BMPR1B: variants seen among roughly 807,000 people sequenced by gnomAD.
BMPR1B encodes bone morphogenetic protein receptor type 1B.
A neutral mutation model predicts 59.1 loss-of-function variants in BMPR1B; 12 were observed. The ratio of observed to expected loss-of-function variants is 0.20; its 90% CI spans 0.13 to 0.33. BMPR1B has a LOEUF of 0.33. BMPR1B is among the 10% of genes least tolerant of loss of function. The pLI is 1.00. For synonymous variants in BMPR1B, 237 were observed against 207.3 expected, an observed-to-expected ratio of 1.14 and a Z score of -1.23; for missense variants, 550 against 610.9, an observed-to-expected ratio of 0.90 and a Z score of 1.05.
At chr4:94,886,845 G>T (rs1459650729) in intron 2 of BMPR1B, among the ~76,000 whole-genome samples, 4 of 152,254 alleles carry the variant, frequency 2.6e-5, no homozygotes, top group Middle Eastern at 3.4e-3. Context: ...ACACTGGCAA[G>T]GGAACTTAAG....
At chr4:95,038,678 A>G (rs1725436682) in intron 3 of BMPR1B, among the ~76,000 whole-genome samples, 1 of 152,228 alleles carries the variant, frequency 6.6e-6, no homozygotes, top group Non-Finnish European at 1.5e-5. Flanking sequence ...ACGTTTAAAG[A>G]AAATGTTTCT....
At chr4:94,834,931 T>A (rs1724742584) in intron 1 of BMPR1B, among the ~76,000 whole-genome samples, 1 of 149,938 alleles carries the variant, frequency 6.7e-6, no homozygotes, top group East Asian at 1.9e-4. Context: ...ATCTGCAGTT[T>A]GTGTTTCTTT....
chr4:94,996,204 T>A (rs930518615), intron 3 of BMPR1B, 70 bp downstream of exon 3: 1 of 152,226 alleles, frequency 6.6e-6, no homozygotes, highest in Non-Finnish European at 1.5e-5. Flanking sequence ...ACTGCATCAG[T>A]AAGCAAAGGG....
In BMPR1B at chr4:94,805,027, CTTACT is replaced by C. The variant is rs1157160043; in HGVS notation, c.-183+46963_-183+46967del. Reference sequence around the variant, plus strand: ...TGGAGTAATGTAATAACTAATAGAACTTACTTTAGAGTTCTTCTATGATCTATAAA... The same window carrying C: ...TGGAGTAATGTAATAACTAATAGAACTTAGAGTTCTTCTATGATCTATAAA... On this transcript the variant is annotated intron_variant, in intron 1 of 12. Coordinates refer to ENST00000515059, the MANE Select transcript of BMPR1B (RefSeq NM_001203.3). 2.6e-5 allele frequency among the ~76,000 whole-genome samples: 4 copies of C among 152,248 alleles called. No individual in the cohort carries two copies. In the East Asian group the frequency reaches 5.8e-4, roughly 22 times the overall value.
At chr4:95,089,511 AC>A (rs551359708) in intron 3 of BMPR1B, among the ~76,000 whole-genome samples, 3 of 152,272 alleles carry the variant, frequency 2.0e-5, no homozygotes, top group African/African-American at 7.2e-5. Context: ...GCTTTTAAAG[AC>A]TGGGACCACT....
chr4:94,940,358 G>A (rs2149043350), intron 2 of BMPR1B, among the ~76,000 whole-genome samples: 1 of 152,220 alleles, frequency 6.6e-6, no homozygotes, highest in East Asian at 1.9e-4. Context: ...GTAAGTGTTA[G>A]TATATTTTAT....
intron 2 of BMPR1B, among the ~76,000 whole-genome samples, chr4:94,933,895 A>G (rs1476642506): frequency 2.0e-5 from 3 of 152,122 alleles, no homozygotes. Context: ...GAAAACGAAA[A>G]GTTTAAGAGA....
chr4:95,092,372 C>T (rs1730058508), intron 3 of BMPR1B, among the ~76,000 whole-genome samples: 1 of 152,026 alleles, frequency 6.6e-6, no homozygotes, highest in Non-Finnish European at 1.5e-5. Context: ...GGTGGCACTG[C>T]AGATTTTAAA....
rs1209769248 is a variant in BMPR1B at position 95,109,898 on chromosome 4, C to T, written c.144-4822C>T. Among the ~76,000 whole-genome samples the T allele has an allele frequency of 4.9e-5, 6 of 121,858 alleles. No individual in the cohort carries two copies. The Admixed American group carries it at 5.3e-4, about 11-fold the overall frequency. 79.9% of individuals were successfully genotyped at this position (121,858 alleles called of 152,430 possible). A position where few individuals can be genotyped will look rare whatever the true frequency, so the allele number is the denominator to read the frequency against. On this transcript the variant is annotated intron_variant, in intron 4 of 12. Coordinates refer to ENST00000515059, the MANE Select transcript of BMPR1B (RefSeq NM_001203.3). ...ACAACAGTCCCCGGTGTGTGATGTT[C>T]CCCTTCCTGTGTCCATGTGTTCTCA...
chr4:95,111,627 A>C (rs1240620357), intron 4 of BMPR1B, among the ~76,000 whole-genome samples: 1 of 152,054 alleles, frequency 6.6e-6, no homozygotes, highest in Non-Finnish European at 1.5e-5. Context: ...ATCTACCTAA[A>C]AAGAGTATCG....
intron 10 of BMPR1B, among the ~76,000 whole-genome samples, chr4:95,136,745 G>T (rs372403794): frequency 1.3e-5 from 2 of 151,962 alleles, no homozygotes; most frequent in East Asian, 1.9e-4. Flanking sequence ...CTGTGGGATC[G>T]GTGGTGATAT....
intron 3 of BMPR1B, among the ~76,000 whole-genome samples, chr4:95,026,130 C>CTTTCTTTCT (rs1560603016): frequency 1.4e-5 from 2 of 146,436 alleles, no homozygotes; most frequent in Non-Finnish European, 3.0e-5. Context: ...TTCTTTCTTT[C>CTTTCTTTCT]TTTCTTTCTT....
At chr4:94,785,749 C>G (rs1406324143) in intron 1 of BMPR1B, among the ~76,000 whole-genome samples, 1 of 152,086 alleles carries the variant, frequency 6.6e-6, no homozygotes, top group Non-Finnish European at 1.5e-5. Context: ...CAGTATAAGA[C>G]TGAAGGTACA....
At chr4:95,018,607 T>A (rs1205532243) in intron 3 of BMPR1B, among the ~76,000 whole-genome samples, 3 of 152,174 alleles carry the variant, frequency 2.0e-5, no homozygotes, top group Non-Finnish European at 4.4e-5. Flanking sequence ...TGCATCCCTG[T>A]GAAATACTGA....
chr4:95,123,389 A>G (rs1370480976), intron 6 of BMPR1B, among the ~76,000 whole-genome samples: 1 of 152,124 alleles, frequency 6.6e-6, no homozygotes, highest in East Asian at 1.9e-4. Context: ...CATGAATTAT[A>G]TAGATGCTTT....
At chr4:94,941,566 CA>C (rs1244856955) in intron 2 of BMPR1B, among the ~76,000 whole-genome samples, 3 of 151,934 alleles carry the variant, frequency 2.0e-5, no homozygotes, top group Non-Finnish European at 2.9e-5. Flanking sequence ...TAAAGTTAGA[CA>C]TTTAAAAAGA....
chr4:94,802,867 C>T (rs1380905538), intron 1 of BMPR1B, among the ~76,000 whole-genome samples: 1 of 152,102 alleles, frequency 6.6e-6, no homozygotes, highest in Non-Finnish European at 1.5e-5. Flanking sequence ...GAATGTTGCT[C>T]ATCTCTCAGT....
At chr4:94,975,709 ATTATAATACCTAACCTG>A (rs1448156303) in intron 2 of BMPR1B, among the ~76,000 whole-genome samples, 2 of 152,156 alleles carry the variant, frequency 1.3e-5, no homozygotes, top group Non-Finnish European at 2.9e-5. Context: ...AGAAGATGAT[ATTATAATACCTAACCTG>A]TTTTGGTTTT....
intron 1 of BMPR1B, among the ~76,000 whole-genome samples, chr4:94,837,914 T>C (rs1312156601): frequency 1.5e-5 from 2 of 135,444 alleles, no homozygotes; most frequent in African/African-American, 5.7e-5. Flanking sequence ...ATAGCTCTTA[T>C]TATTTTGAAA....
Sources: allele counts gnomAD v4.1 joint callset (sites outside exome capture counted in the v4.1 genomes callset), GRCh38; gene constraint gnomAD v4.1.1; transcripts MANE v1.5; gene names NCBI Gene and HGNC (gene_info 2026-07-23, HGNC 2026-07-21).